CNTN5: variants seen among roughly 807,000 people sequenced by gnomAD.
CNTN5 encodes the protein contactin-5.
In CNTN5, 77 loss-of-function variants were observed where a neutral mutation model predicts 129.1. The ratio of observed to expected loss-of-function variants is 0.60; its 90% CI spans 0.50 to 0.72. The LOEUF is 0.72. Ranked by LOEUF, CNTN5 falls within the 30% of genes least tolerant of loss-of-function variation. CNTN5 has a pLI of 0.00. For missense variants in CNTN5, 1,478 were observed against 1,328.8 expected (o/e 1.11, Z -1.75); for synonymous variants, 509 against 465.6 (o/e 1.09, Z -1.20).
intron 3 of CNTN5, among the ~76,000 whole-genome samples, chr11:99,651,050 A>C (rs1952136338): frequency 6.6e-6 from 1 of 151,968 alleles, no homozygotes; most frequent in Non-Finnish European, 1.5e-5. Context: ...ATATGCTCCA[A>C]CTTAGAAGTT....
chr11:99,527,772 T>C (rs180806665), intron 2 of CNTN5, among the ~76,000 whole-genome samples: 272 of 152,098 alleles, frequency 1.8e-3, no homozygotes, highest in Non-Finnish European at 3.2e-3. Flanking sequence ...CCAGTAAAAA[T>C]ACACCTCACG....
intron 3 of CNTN5, among the ~76,000 whole-genome samples, chr11:99,777,578 AGT>A (rs1181883038): frequency 6.6e-6 from 1 of 151,854 alleles, no homozygotes; most frequent in Non-Finnish European, 1.5e-5. Context: ...TCAATCAAAA[AGT>A]GTTAATTCTC....
chr11:100,016,502 T>G (rs1449760544), intron 9 of CNTN5, among the ~76,000 whole-genome samples: 1 of 152,100 alleles, frequency 6.6e-6, no homozygotes, highest in Non-Finnish European at 1.5e-5. Context: ...TTCGTTGCCT[T>G]AGATTATTCA....
chr11:99,689,261 C>G (rs966141567), intron 3 of CNTN5, among the ~76,000 whole-genome samples: 17 of 152,126 alleles, frequency 1.1e-4, no homozygotes, highest in Admixed American at 7.2e-4. Flanking sequence ...GGCGTGGTGG[C>G]TCACGCCTGT....
chr11:100,043,481 G>T (rs919176883), intron 9 of CNTN5, among the ~76,000 whole-genome samples: 1 of 152,136 alleles, frequency 6.6e-6, no homozygotes, highest in African/African-American at 2.4e-5. Flanking sequence ...TAAATAAACA[G>T]CATTAAACTT....
chr11:100,202,104 T>C (rs777716096), intron 15 of CNTN5, among the ~76,000 whole-genome samples: 6 of 152,044 alleles, frequency 3.9e-5, no homozygotes, highest in African/African-American at 1.2e-4. Flanking sequence ...GTTGTTGTCA[T>C]TGTTGTTTGA....
At chr11:99,251,088 T>G (rs1862075983) in intron 1 of CNTN5, among the ~76,000 whole-genome samples, 1 of 151,938 alleles carries the variant, frequency 6.6e-6, no homozygotes, top group Non-Finnish European at 1.5e-5. Flanking sequence ...ATCAGATACA[T>G]CTCTCTAGGG....
At chr11:99,994,553 C>G (rs1344195872) in intron 8 of CNTN5, among the ~76,000 whole-genome samples, 2 of 152,084 alleles carry the variant, frequency 1.3e-5, no homozygotes, top group Non-Finnish European at 2.9e-5. Context: ...TGAGTAAATG[C>G]CAGCACTCAC....
intron 2 of CNTN5, among the ~76,000 whole-genome samples, chr11:99,375,629 C>A (rs1940135041): frequency 6.6e-6 from 1 of 152,022 alleles, no homozygotes; most frequent in Non-Finnish European, 1.5e-5. Flanking sequence ...TACAAAATTA[C>A]AAAAATATAA....
chr11:99,225,787 C>T (rs1017858429), intron 1 of CNTN5, among the ~76,000 whole-genome samples: 1 of 152,144 alleles, frequency 6.6e-6, no homozygotes, highest in Non-Finnish European at 1.5e-5. Flanking sequence ...TTGATATAGA[C>T]ATTTTGGTAC....
At chr11:99,469,362 T>C (rs1945079629) in intron 2 of CNTN5, among the ~76,000 whole-genome samples, 1 of 152,162 alleles carries the variant, frequency 6.6e-6, no homozygotes. Context: ...TGTTTCAAAA[T>C]TATCTATTTC....
intron 1 of CNTN5, among the ~76,000 whole-genome samples, chr11:99,077,516 G>A (rs1018087266): frequency 4.6e-5 from 7 of 152,104 alleles, no homozygotes; most frequent in East Asian, 1.9e-4. Context: ...GATTTCTTAC[G>A]GAGATAGAAA....
intron 4 of CNTN5, among the ~76,000 whole-genome samples, chr11:99,843,581 T>C (rs1269377392): frequency 6.6e-6 from 1 of 152,202 alleles, no homozygotes; most frequent in African/African-American, 2.4e-5. Context: ...ACTGAAATAA[T>C]TTCTCTTTAT....
intron 2 of CNTN5, among the ~76,000 whole-genome samples, chr11:99,377,652 T>C (rs1332293853): frequency 2.0e-5 from 3 of 152,110 alleles, no homozygotes; most frequent in Non-Finnish European, 2.9e-5. Flanking sequence ...ACAACCTCCA[T>C]TTACAAATAT....
At chr11:99,048,412 T>G (rs982355180) in intron 1 of CNTN5, among the ~76,000 whole-genome samples, 1 of 152,116 alleles carries the variant, frequency 6.6e-6, no homozygotes, top group Non-Finnish European at 1.5e-5. Context: ...AAAATCAATA[T>G]CCAAATGATT....
At chr11:99,755,914 A>G (rs1944390792) in intron 3 of CNTN5, among the ~76,000 whole-genome samples, 1 of 152,152 alleles carries the variant, frequency 6.6e-6, no homozygotes, top group South Asian at 2.1e-4. Context: ...TCATTTAGAA[A>G]TATTCAATAG....
At chr11:99,735,018 CAA>C (rs1408653682) in intron 3 of CNTN5, among the ~76,000 whole-genome samples, 2 of 152,084 alleles carry the variant, frequency 1.3e-5, no homozygotes, top group African/African-American at 4.8e-5. Context: ...AAAACAAAAA[CAA>C]AAACAAAAGT....
At chr11:100,237,167 C>G (rs1378221139) in intron 16 of CNTN5, among the ~76,000 whole-genome samples, 1 of 133,268 alleles carries the variant, frequency 7.5e-6, no homozygotes, top group East Asian at 2.1e-4. Context: ...CCAGCCTGGG[C>G]GACAGAGCAA....
chr11:99,843,707 A>T (rs1809261761), intron 4 of CNTN5, among the ~76,000 whole-genome samples: 1 of 152,124 alleles, frequency 6.6e-6, no homozygotes. Flanking sequence ...TCTAGTGGGT[A>T]GAGGCCACGG....
Sources: gnomAD v4.1 joint callset for allele counts (sites outside exome capture counted in the v4.1 genomes callset) on GRCh38, gnomAD v4.1.1 for gene constraint, MANE v1.5 for transcripts, NCBI Gene and HGNC (gene_info 2026-07-23, HGNC 2026-07-21) for gene names.